The following SAMD4A variants were observed in gnomAD, a reference collection of about 807,000 sequenced individuals.
SAMD4A encodes the protein sterile alpha motif domain containing 4A.
SAMD4A carries 33 observed loss-of-function variants against 81.3 expected under a neutral mutation model. That is an observed-to-expected ratio of 0.41 (90% CI 0.31 to 0.54). SAMD4A has a LOEUF of 0.54. Ranked by LOEUF, SAMD4A falls within the 20% of genes least tolerant of loss-of-function variation. The pLI is 0.37. For missense variants in SAMD4A, 854 were observed against 951.1 expected (o/e 0.90, Z 1.34); for synonymous variants, 389 against 382.1 (o/e 1.02, Z -0.21).
intron 3 of SAMD4A, chr14:54,703,764 GA>G (rs1442748228): frequency 6.6e-6 from 1 of 152,182 alleles, no homozygotes; most frequent in Non-Finnish European, 1.5e-5. Flanking sequence ...AGCTACTCGG[GA>G]GGCTGAGGTT....
At chr14:54,582,023 C>T (rs2033482919) in intron 2 of SAMD4A, among the ~76,000 whole-genome samples, 1 of 152,120 alleles carries the variant, frequency 6.6e-6, no homozygotes, top group Non-Finnish European at 1.5e-5. Context: ...CTTTTTGTGG[C>T]AGAATGAGCT....
chr14:54,603,488 T>A (rs2034115665), intron 2 of SAMD4A, among the ~76,000 whole-genome samples: 1 of 152,254 alleles, frequency 6.6e-6, no homozygotes. Context: ...ATAAAGCTGA[T>A]GCTGCCCAGT....
intron 2 of SAMD4A, among the ~76,000 whole-genome samples, chr14:54,701,509 G>T (rs760599784): frequency 2.6e-5 from 4 of 152,220 alleles, no homozygotes; most frequent in African/African-American, 9.6e-5. Flanking sequence ...TGAGAAAGGT[G>T]CAGTCTTACT....
intron 4 of SAMD4A, among the ~76,000 whole-genome samples, chr14:54,739,730 C>T (rs919827278): frequency 6.6e-6 from 1 of 152,208 alleles, no homozygotes; most frequent in Non-Finnish European, 1.5e-5. Flanking sequence ...GCTGAGGACT[C>T]TTCCGCCACC....
intron 4 of SAMD4A, among the ~76,000 whole-genome samples, chr14:54,745,241 T>C (rs756093132): frequency 6.6e-5 from 10 of 152,230 alleles, no homozygotes; most frequent in Non-Finnish European, 1.2e-4. Context: ...ACCCACAAGA[T>C]GAAGTCGACT....
chr14:54,654,005 T>C (rs1031303586), intron 2 of SAMD4A, among the ~76,000 whole-genome samples: 1 of 152,232 alleles, frequency 6.6e-6, no homozygotes, highest in East Asian at 1.9e-4. Context: ...GAGTCTTCAG[T>C]GTGTCACTTT....
intron 2 of SAMD4A, among the ~76,000 whole-genome samples, chr14:54,599,270 C>T (rs1010839994): frequency 6.6e-6 from 1 of 152,062 alleles, no homozygotes; most frequent in Non-Finnish European, 1.5e-5. Flanking sequence ...GAGTAATAAA[C>T]ACGATTTAAA....
chr14:54,569,993 AT>A (rs937645502), intron 2 of SAMD4A, among the ~76,000 whole-genome samples: 5 of 151,986 alleles, frequency 3.3e-5, no homozygotes, highest in Admixed American at 6.6e-5. Flanking sequence ...GTCACTTGGC[AT>A]TTTTTTTCCC....
chr14:54,770,549 G>C (rs2038674816), intron 9 of SAMD4A, among the ~76,000 whole-genome samples: 1 of 152,226 alleles, frequency 6.6e-6, no homozygotes, highest in Non-Finnish European at 1.5e-5. Context: ...ACCCACAAAA[G>C]GGGGATCTGA....
intron 2 of SAMD4A, among the ~76,000 whole-genome samples, chr14:54,590,901 A>G (rs1594702867): frequency 6.6e-6 from 1 of 152,250 alleles, no homozygotes; most frequent in South Asian, 2.1e-4. Flanking sequence ...TAATAATCAC[A>G]TAATACTGAA....
At chr14:54,696,829 C>G (rs1175544289) in intron 2 of SAMD4A, 3 of 152,192 alleles carry the variant, frequency 2.0e-5, no homozygotes, top group Admixed American at 1.3e-4. Flanking sequence ...TGTTACATCT[C>G]TGCTCCTTAT....
At chr14:54,690,476 C>CT (rs761870966) in intron 2 of SAMD4A, among the ~76,000 whole-genome samples, 7 of 151,816 alleles carry the variant, frequency 4.6e-5, no homozygotes, top group Non-Finnish European at 8.8e-5. Flanking sequence ...GCTGGAGGGC[C>CT]TAGGAGTACT....
intron 2 of SAMD4A, chr14:54,685,542 G>A (rs1380597375): frequency 5.4e-6 from 2 of 373,150 alleles, no homozygotes. Flanking sequence ...TATGACTTGT[G>A]AATAATGCTA....
At chr14:54,611,209 G>A (rs143544023) in intron 2 of SAMD4A, among the ~76,000 whole-genome samples, 124 of 152,294 alleles carry the variant, frequency 8.1e-4, no homozygotes, top group Non-Finnish European at 1.4e-3. Flanking sequence ...TGTTAATAAT[G>A]TCATAGCTCT....
intron 2 of SAMD4A, among the ~76,000 whole-genome samples, chr14:54,685,507 A>G (rs1169824332): frequency 6.6e-6 from 1 of 152,184 alleles, no homozygotes; most frequent in Non-Finnish European, 1.5e-5. Context: ...TCATCTGTTG[A>G]TGGACATTTG....
chr14:54,729,460 A>G (rs1476332562), intron 3 of SAMD4A, among the ~76,000 whole-genome samples: 2 of 152,230 alleles, frequency 1.3e-5, no homozygotes, highest in Non-Finnish European at 2.9e-5. Context: ...ACGTGGGAAC[A>G]TTAAAAAAGA....
intron 10 of SAMD4A, among the ~76,000 whole-genome samples, chr14:54,776,194 T>G (rs1458486731): frequency 6.6e-6 from 1 of 151,872 alleles, no homozygotes; most frequent in Admixed American, 6.6e-5. Flanking sequence ...AAGCTGAGGC[T>G]TACAGCAAGG....
intron 6 of SAMD4A, among the ~76,000 whole-genome samples, chr14:54,753,117 AT>A (rs1351071783): frequency 1.3e-5 from 2 of 152,240 alleles, no homozygotes; most frequent in African/African-American, 4.8e-5. Context: ...GCCTTCCTCT[AT>A]CTCAACTGCA....
intron 2 of SAMD4A, among the ~76,000 whole-genome samples, chr14:54,628,808 A>G (rs181090530): frequency 2.8e-4 from 42 of 152,296 alleles, no homozygotes; most frequent in Admixed American, 5.2e-4. Context: ...TTGAACCTCT[A>G]CAGTGTGGCT....
Sources: allele counts gnomAD v4.1 joint callset (sites outside exome capture counted in the v4.1 genomes callset), GRCh38; gene constraint gnomAD v4.1.1; transcripts MANE v1.5; gene names NCBI Gene and HGNC (gene_info 2026-07-23, HGNC 2026-07-21).